Variants in NES observed in about 807,000 individuals in gnomAD.
NES encodes nestin.
In NES, 27 loss-of-function variants were observed where a neutral mutation model predicts 35.6. The ratio of observed to expected loss-of-function variants is 0.76; its 90% CI spans 0.56 to 1.04. The LOEUF (loss-of-function observed/expected upper bound fraction) is 1.04. Among genes scored for constraint, NES ranks in the 50% least tolerant of loss-of-function variants. The pLI, the probability that NES is intolerant of heterozygous loss-of-function variation, is 0.00. For synonymous variants in NES, 822 were observed against 824.2 expected (o/e 1.00, Z 0.04); for missense variants, 1,867 against 1,983.6 (o/e 0.94, Z 1.12).
chr1:156,672,059 G>A lies in NES; in HGVS notation c.2129C>T (p.Ala710Val), dbSNP rs771339777. The A allele has an allele frequency of 6.2e-7, 1 of 1,613,136 alleles. No homozygotes were observed. The highest frequency in any genetic ancestry group is 8.5e-7 in the Non-Finnish European group (1 of 1,179,882). ...GTTCTCTTTTTCTAGAGATCTAAAGGCCTCTTTGTTCTCATCTTCAAGAGA... is the reference window on the plus strand; with the variant it reads ...GTTCTCTTTTTCTAGAGATCTAAAGACCTCTTTGTTCTCATCTTCAAGAGA... Reference protein sequence around the residue: ...LRSLEDENKEAFRSLEKENQE... With the variant: ...LRSLEDENKEVFRSLEKENQE... Residue 710 changes from alanine to valine, a missense_variant, in exon 4 of 4, where the codon GCC becomes GTC. Coordinates refer to ENST00000368223, the MANE Select transcript of NES (RefSeq NM_006617.2).
Position 156,670,352 on chromosome 1 carries a change from C to T in NES, c.3836G>A (p.Gly1279Glu). The T allele has an allele frequency of 6.2e-7, 1 of 1,610,988 alleles. No individual in the cohort carries two copies. The highest frequency in any genetic ancestry group is 8.5e-7 in the Non-Finnish European group (1 of 1,178,182). The change falls in exon 4 of 4, where the codon GGG (glycine) becomes GAG (glutamate). Residue 1279 changes from glycine (G) to glutamate (E), a missense_variant. Coordinates refer to ENST00000368223, the MANE Select transcript of NES (RefSeq NM_006617.2). ...GEIPEGPQEE[G>E]EESREESEED... ...CTCGCTCTCTTCTCTGCTCTCCTCCCCTTCCTCCTGGGGGCCCTCGGGGAT... is the reference window on the plus strand; with the variant it reads ...CTCGCTCTCTTCTCTGCTCTCCTCCTCTTCCTCCTGGGGGCCCTCGGGGAT...
intron 1 of NES, among the ~76,000 whole-genome samples, 196 bp from the exon 2 acceptor site, chr1:156,675,536 G>T (rs949330331): frequency 2.0e-5 from 3 of 152,114 alleles, no homozygotes; most frequent in Admixed American, 2.0e-4. Context: ...TGAGCCCAGG[G>T]CCCCTGTCAG....
intron 1 of NES, among the ~76,000 whole-genome samples, chr1:156,675,949 C>A (rs1647273491): frequency 6.6e-6 from 1 of 152,248 alleles, no homozygotes; most frequent in Non-Finnish European, 1.5e-5. Context: ...CTGGTCACAT[C>A]TGTGCCCTGT....
chr1:156,670,571 C>A lies in NES; in HGVS notation c.3617G>T (p.Gly1206Val), dbSNP rs754373045. 1 of 1,612,940 alleles carries A rather than the reference C, an allele frequency of 6.2e-7. No homozygotes were observed. Among genetic ancestry groups the A allele is most frequent in the Non-Finnish European group, 8.5e-7 (1 of 1,179,322 alleles). The change falls in exon 4 of 4, where the codon GGG becomes GTG. Residue 1206 changes from glycine to valine, a missense_variant. Coordinates refer to ENST00000368223, the MANE Select transcript of NES (RefSeq NM_006617.2). ...GSDAPSPWPL[G>V]SEEAEEDVPP... is the part of the protein sequence containing the mutation. Reference sequence around the variant, plus strand: ...TACATCCTCCTCAGCTTCCTCTGACCCCAGAGGCCAAGGTGAAGGGGCATC... The same window carrying A: ...TACATCCTCCTCAGCTTCCTCTGACACCAGAGGCCAAGGTGAAGGGGCATC...
chr1:156,674,542 C>A (rs1679800397), intron 2 of NES, among the ~76,000 whole-genome samples: 1 of 152,220 alleles, frequency 6.6e-6, no homozygotes, highest in Non-Finnish European at 1.5e-5. Flanking sequence ...ATCAATGGCC[C>A]CTCAGCCAAC....
At chr1:156,675,417 C>G (rs754997463) in intron 1 of NES, 77 bp from the exon 2 acceptor site, 1 of 1,494,682 alleles carries the variant, frequency 6.7e-7, no homozygotes, top group East Asian at 2.4e-5. Flanking sequence ...TGCCCGCTGC[C>G]GCTGCCCGGG....
rs1158863701 is a variant in NES at position 156,672,457 on chromosome 1, C to T, written c.1731G>A (p.Arg577=). 6.2e-7 allele frequency: 1 copy of T among 1,611,872 alleles called. No homozygotes were observed. The highest frequency in any genetic ancestry group is 8.5e-7 in the Non-Finnish European group (1 of 1,179,504). ...GTGTTTCTAAGTCTTCTTCTAAAGA[C>T]CTCGGACATTCTTGATTCTCCCTTT... ...TLERENQECP[R]SLEEDLETLK... The change falls in exon 4 of 4, where the codon AGG becomes AGA. Residue 577 remains arginine (R), a synonymous_variant. Coordinates refer to ENST00000368223, the MANE Select transcript of NES (RefSeq NM_006617.2).
rs1679656507 is a variant in NES at position 156,669,648 on chromosome 1, G to A, written c.4540C>T (p.Pro1514Ser). The A allele has an allele frequency of 6.2e-7, 1 of 1,614,048 alleles. No homozygotes were observed. Among genetic ancestry groups the A allele is most frequent in the East Asian group, 2.2e-5 (1 of 44,864 alleles). Reference protein sequence around the residue: ...PVSLEREDKVPGPLEIPSGME... With the variant: ...PVSLEREDKVSGPLEIPSGME... ...CCACTGGGGATCTCTAGAGGGCCAG[G>A]GACTTTGTCCTCCCTCTCCAAGGAA... The change falls in exon 4 of 4, where the codon CCT (proline) becomes TCT (serine). Residue 1514 changes from proline (P) to serine (S), a missense_variant. Coordinates refer to ENST00000368223, the MANE Select transcript of NES (RefSeq NM_006617.2).
chr1:156,676,926 C>T lies in NES; in HGVS notation c.339G>A (p.Arg113=). Residue 113 remains arginine (R), a synonymous_variant, in exon 1 of 4, where the codon CGG becomes CGA. Coordinates refer to ENST00000368223, the MANE Select transcript of NES (RefSeq NM_006617.2). The surrounding 1 kb of genome is among the most constrained non-coding windows in gnomAD (Gnocchi z 5.3). ...ERTTEEVARN[R]RAVEAEKCAR... ...CGCATTTCTCTGCCTCGACGGCGCG[C>T]CGGTTGCGGGCTACCTCCTCCGTCG... The T allele has an allele frequency of 6.4e-7, 1 of 1,552,300 alleles. No individual in the cohort carries two copies. Among genetic ancestry groups the T allele is most frequent in the Non-Finnish European group, 8.6e-7 (1 of 1,157,948 alleles).
In NES at chr1:156,670,673, C is replaced by T. The variant is rs1679700944; in HGVS notation, c.3515G>A (p.Arg1172Lys). 1 of 1,613,986 alleles carries T rather than the reference C, an allele frequency of 6.2e-7. No individual in the cohort carries two copies. The highest frequency in any genetic ancestry group is 8.5e-7 in the Non-Finnish European group (1 of 1,179,972). ...GGGGGCCTCAGCCTCTGACTCCTCC[C>T]TACCCTCCCTGGGAGGCTCCCAAGG... ...RDPWEPPREG[R>K]EESEAEAPRG... Residue 1172 changes from arginine to lysine, a missense_variant, in exon 4 of 4, where the codon AGG becomes AAG. Arg to Lys is a conservative substitution (Grantham distance 26). Transcript: ENST00000368223.
In NES at chr1:156,672,415, C is replaced by T; in HGVS notation, c.1773G>A (p.Lys591=). 2 of 1,611,458 alleles carry T rather than the reference C, an allele frequency of 1.2e-6. No individual in the cohort carries two copies. Among genetic ancestry groups the T allele is most frequent in the Non-Finnish European group, 1.7e-6 (2 of 1,179,506 alleles). Residue 591 remains lysine (K), a synonymous_variant, in exon 4 of 4, where the codon AAG becomes AAA. Transcript: ENST00000368223. The part of the protein sequence containing the change: ...EDLETLKSLE[K]ENKELLKDVE... ...CATCCTTTAATAGCTCTTTATTTTC[C>T]TTTTCTAGACTTTTTAGTGTTTCTA...
rs147070824 is a variant in NES at position 156,671,408 on chromosome 1, T to C, written c.2780A>G (p.Glu927Gly). 1 of 1,613,940 alleles carries C rather than the reference T, an allele frequency of 6.2e-7. No homozygotes were observed. Among genetic ancestry groups the C allele is most frequent in the Non-Finnish European group, 8.5e-7 (1 of 1,180,046 alleles). ...CAGAGACCTCAGTGACTCTTGGTAC[T>C]CTCCCTTTCCCAGGTTCTCTTCCTC... ...LEEEENLGKG[E>G]YQESLRSLEE... Residue 927 changes from glutamate to glycine, a missense_variant, in exon 4 of 4, where the codon GAG becomes GGG. Glu to Gly is a moderately conservative substitution (Grantham distance 98, BLOSUM62 -2). Coordinates refer to ENST00000368223, the MANE Select transcript of NES (RefSeq NM_006617.2).
intron 1 of NES, 125 bp from the exon 2 acceptor site, chr1:156,675,465 C>A: frequency 2.6e-6 from 3 of 1,145,132 alleles, no homozygotes; most frequent in Non-Finnish European, 3.6e-6. Context: ...ATCTGTGTAG[C>A]AGACCCCCGC....
intron 1 of NES, among the ~76,000 whole-genome samples, chr1:156,675,794 G>A (rs1383411122): frequency 3.9e-5 from 6 of 152,098 alleles, no homozygotes; most frequent in Admixed American, 3.3e-4. Context: ...TCCCACAACT[G>A]TCTCCTGCTC....
chr1:156,674,765 C>T lies in NES; in HGVS notation c.908+451G>A, dbSNP rs76874686. ...CTTGGAAGTCCCCCAGCCCAGCCCT[C>T]AGCCCCTAGACGAGGCTGAGGCCCA... On this transcript the variant is annotated intron_variant, in intron 2 of 3. Transcript: ENST00000368223. Among the ~76,000 whole-genome samples the T allele has an allele frequency of 7.0e-3, 1,069 of 152,338 alleles. 7 individuals carry two copies. Among genetic ancestry groups the T allele is most frequent in the Non-Finnish European group, 0.012 (799 of 68,028 alleles).
Position 156,669,234 on chromosome 1 carries a change from G to A in NES, c.*88C>T. 1 of 872,592 alleles carries A rather than the reference G, an allele frequency of 1.1e-6. No homozygotes were observed. The highest frequency in any genetic ancestry group is 1.7e-6 in the Non-Finnish European group (1 of 575,616). 54.1% of individuals were successfully genotyped at this position (872,592 alleles called of 1,614,324 possible). ...TATGTCAAGAGATCGTAAGTTAAGA[G>A]TGCTGCTCCTGAGCAGGGAGCGGGC... is the stretch of plus-strand genomic sequence containing the variant. On this transcript the variant is annotated 3_prime_UTR_variant, in exon 4 of 4. Transcript: ENST00000368223.
At chr1:156,673,860 C>T (rs1005645269) in intron 2 of NES, among the ~76,000 whole-genome samples, 2 of 152,146 alleles carry the variant, frequency 1.3e-5, no homozygotes, top group African/African-American at 4.8e-5. Flanking sequence ...AGGCCAATGA[C>T]CTCATCCTCT....
chr1:156,670,865 AG>A lies in NES; in HGVS notation c.3322del (p.Leu1108TrpfsTer7). ...CCTGGTCAGATGGCCTGGGTCCCCC[AG>A]CCCTCCCACCCCCTGCCCCGGGCCT... Reference protein sequence around the residue: ...EPGPGQGVGGLGDPGHLTREE... With the variant: ...EPGPGQGVGGXGDPGHLTREE... On this transcript the variant is annotated frameshift_variant, in exon 4 of 4. Transcript: ENST00000368223. LOFTEE classifies it low-confidence loss of function (END_TRUNC). 9 of 808,878 alleles carry A rather than the reference AG, an allele frequency of 1.1e-5. No individual in the cohort carries two copies. The highest frequency in any genetic ancestry group is 1.9e-5 in the African/African-American group (1 of 52,396). The allele number at this position is 808,878 out of a possible 1,614,324, so 50.1% of individuals were successfully genotyped here. A position where few individuals can be genotyped will look rare whatever the true frequency, so the allele number is the denominator to read the frequency against.
Position 156,676,940 on chromosome 1 carries a change from C to T in NES, c.325G>A (p.Val109Ile). The T allele has an allele frequency of 1.9e-6, 3 of 1,554,260 alleles. No homozygotes were observed. Among genetic ancestry groups the T allele is most frequent in the Non-Finnish European group, 2.6e-6 (3 of 1,158,218 alleles). ...RLARERTTEE[V>I]ARNRRAVEAE... ...TCGACGGCGCGCCGGTTGCGGGCTA[C>T]CTCCTCCGTCGTCCGCTCCCGGGCC... Residue 109 changes from valine to isoleucine, a missense_variant, in exon 1 of 4, where the codon GTA becomes ATA. Val to Ile is a conservative substitution (Grantham distance 29, BLOSUM62 3). Transcript: ENST00000368223. The surrounding 1 kb of genome is among the most constrained non-coding windows in gnomAD (Gnocchi z 5.3).
Sources: gnomAD v4.1 joint callset for allele counts (sites outside exome capture counted in the v4.1 genomes callset) on GRCh38, gnomAD v4.1.1 for gene constraint, Gnocchi (gnomAD v3.1) non-coding constraint, MANE v1.5 for transcripts, NCBI Gene and HGNC (gene_info 2026-07-23, HGNC 2026-07-21) for gene names.